TNFRSF10D: variants seen among roughly 807,000 people sequenced by gnomAD.
TNFRSF10D encodes the protein TNF receptor superfamily member 10d, also known as tumor necrosis factor receptor superfamily member 10D.
A neutral mutation model predicts 42.1 loss-of-function variants in TNFRSF10D; 28 were observed. The observed-to-expected ratio is 0.66, with a 90% CI of 0.49 to 0.91. The LOEUF is 0.91. Among genes scored for constraint, TNFRSF10D ranks in the 40% least tolerant of loss-of-function variants. TNFRSF10D has a pLI of 0.00. For missense variants in TNFRSF10D, 503 were observed against 486.1 expected, an observed-to-expected ratio of 1.03 and a Z score of -0.33; for synonymous variants, 186 against 189.4, an observed-to-expected ratio of 0.98 and a Z score of 0.15.
chr8:23,138,499 G>C (rs550703868), intron 7 of TNFRSF10D, among the ~76,000 whole-genome samples: 915 of 152,120 alleles, frequency 6.0e-3, no homozygotes, highest in African/African-American at 0.019. Flanking sequence ...TTTGACTATA[G>C]GCCTGTGTAA....
intron 1 of TNFRSF10D, among the ~76,000 whole-genome samples, chr8:23,158,224 T>G (rs1800307578): frequency 1.3e-5 from 2 of 152,222 alleles, no homozygotes; most frequent in Non-Finnish European, 2.9e-5. Flanking sequence ...TCCTTCTGCC[T>G]TATGCCCCTC....
intron 2 of TNFRSF10D, among the ~76,000 whole-genome samples, chr8:23,151,118 A>C (rs1800207485): frequency 6.6e-6 from 1 of 152,232 alleles, no homozygotes; most frequent in Non-Finnish European, 1.5e-5. Flanking sequence ...ATCTTAAACA[A>C]ATTCCCAAAC....
In TNFRSF10D at chr8:23,145,765, A is replaced by G. The variant is rs1193743353; in HGVS notation, c.639T>C (p.Leu213=). The change falls in exon 5 of 9, where the codon CTT becomes CTC. Residue 213 remains leucine, a synonymous_variant. Coordinates refer to ENST00000312584, the MANE Select transcript of TNFRSF10D (RefSeq NM_003840.5). ...LGMLASPYHY[L]IIIVVLVIIL... is the part of the protein sequence containing the mutation. ...TGATGACTAAAACCACTATGATGAT[A>G]AGGTAGTGATAGGGAGAGGCAAGCA... The G allele has an allele frequency of 6.2e-7, 1 of 1,614,136 alleles. No homozygotes were observed. Among genetic ancestry groups the G allele is most frequent in the Non-Finnish European group, 8.5e-7 (1 of 1,180,000 alleles).
At chr8:23,157,433 T>A (rs1302009201) in intron 1 of TNFRSF10D, among the ~76,000 whole-genome samples, 1 of 152,228 alleles carries the variant, frequency 6.6e-6, no homozygotes, top group Non-Finnish European at 1.5e-5. Flanking sequence ...TTCATTAAGT[T>A]TAGAGGTCAT....
intron 7 of TNFRSF10D, among the ~76,000 whole-genome samples, chr8:23,140,061 G>A (rs533419866): frequency 1.5e-4 from 23 of 152,184 alleles, no homozygotes; most frequent in East Asian, 3.9e-4. Context: ...AGGCCAAGGA[G>A]GGCGGATCAC....
rs537262627 is a variant in TNFRSF10D at position 23,159,308 on chromosome 8, G to A, written c.151-4329C>T. On this transcript the variant is annotated intron_variant, in intron 1 of 8. Coordinates refer to ENST00000312584, the MANE Select transcript of TNFRSF10D (RefSeq NM_003840.5). ...TAAAGGCTACTGAAAAACAGCAGGC[G>A]CAATAAGATGCTTTGACCTCTTTTG... 4.0e-5 allele frequency among the ~76,000 whole-genome samples: 6 copies of A among 151,830 alleles called. No individual in the cohort carries two copies. In the South Asian group the frequency reaches 6.2e-4, roughly 16 times the overall value.
intron 7 of TNFRSF10D, among the ~76,000 whole-genome samples, chr8:23,143,102 G>A (rs1230633039): frequency 2.6e-5 from 4 of 151,856 alleles, no homozygotes; most frequent in African/African-American, 7.3e-5. Flanking sequence ...TCAGCCTCCC[G>A]AGTAGCTGGG....
intron 7 of TNFRSF10D, among the ~76,000 whole-genome samples, chr8:23,143,076 A>G (rs1007541652): frequency 6.6e-5 from 10 of 151,784 alleles, no homozygotes; most frequent in African/African-American, 2.4e-4. Flanking sequence ...TCACGGGTTC[A>G]CGCCATTCTC....
chr8:23,163,888 TGCTCGAGC>T lies in TNFRSF10D; in HGVS notation c.40_47del (p.Ala14ArgfsTer23). The T allele has an allele frequency of 6.3e-7, 1 of 1,595,370 alleles. No individual in the cohort carries two copies. Among genetic ancestry groups the T allele is most frequent in the Non-Finnish European group, 8.5e-7 (1 of 1,173,038 alleles). The stretch of plus-strand genomic sequence containing the variant: ...CTGTCCTGGCTCCTGGATAGCGCCC[TGCTCGAGC>T]GCTCGAGGCGGTCGGGACGCTTTGT... On this transcript the variant is annotated frameshift_variant, in exon 1 of 9. Coordinates refer to ENST00000312584, the MANE Select transcript of TNFRSF10D (RefSeq NM_003840.5). LOFTEE classifies it high-confidence loss of function.
intron 3 of TNFRSF10D, among the ~76,000 whole-genome samples, chr8:23,147,997 G>A (rs188425473): frequency 2.7e-5 from 4 of 150,350 alleles, no homozygotes; most frequent in South Asian, 2.1e-4. Flanking sequence ...CTCAGGAGGC[G>A]GAGCTTGCAG....
chr8:23,140,245 C>T (rs921380843), intron 7 of TNFRSF10D, among the ~76,000 whole-genome samples: 16 of 151,888 alleles, frequency 1.1e-4, no homozygotes, highest in Admixed American at 5.2e-4. Context: ...GCTGAGATCG[C>T]GCCACTGCAC....
At chr8:23,148,794 T>C (rs1800165362) in intron 2 of TNFRSF10D, among the ~76,000 whole-genome samples, 1 of 149,448 alleles carries the variant, frequency 6.7e-6, no homozygotes, top group African/African-American at 2.5e-5. Flanking sequence ...CACATTAAAA[T>C]AGTACAAAGA....
At chr8:23,152,018 C>T (rs1800218447) in intron 2 of TNFRSF10D, among the ~76,000 whole-genome samples, 1 of 152,150 alleles carries the variant, frequency 6.6e-6, no homozygotes, top group South Asian at 2.1e-4. Context: ...TTGTACATGT[C>T]CCTTCCACAA....
chr8:23,153,128 G>C (rs756252357), intron 2 of TNFRSF10D, among the ~76,000 whole-genome samples: 1 of 152,210 alleles, frequency 6.6e-6, no homozygotes, highest in Non-Finnish European at 1.5e-5. Context: ...GGAAAGGACA[G>C]CCTCTTCAAT....
At chr8:23,145,596 T>C (rs1232659943) in intron 5 of TNFRSF10D, 72 bp downstream of exon 5, 1 of 1,604,648 alleles carries the variant, frequency 6.2e-7, no homozygotes, top group East Asian at 2.2e-5. Flanking sequence ...TGGGGATTAC[T>C]GTCTGTGGGA....
intron 7 of TNFRSF10D, among the ~76,000 whole-genome samples, chr8:23,143,046 G>A (rs4872060): frequency 0.27 from 40,179 of 150,532 alleles, 6,342 homozygotes; most frequent in South Asian, 0.37. Flanking sequence ...GCGTGATCTC[G>A]GCTCACTGCA....
chr8:23,148,331 G>A, intron 3 of TNFRSF10D, 107 bp downstream of exon 3: 1 of 643,742 alleles, frequency 1.6e-6, no homozygotes, highest in Non-Finnish European at 2.7e-6. Flanking sequence ...GCATGATGAA[G>A]ACTACCAAGT....
intron 2 of TNFRSF10D, among the ~76,000 whole-genome samples, chr8:23,150,553 C>T (rs1481276109): frequency 6.6e-6 from 1 of 152,100 alleles, no homozygotes; most frequent in Non-Finnish European, 1.5e-5. Flanking sequence ...GTAACCAACC[C>T]GAAAGGAATA....
intron 1 of TNFRSF10D, among the ~76,000 whole-genome samples, chr8:23,162,531 A>C (rs1246007437): frequency 6.6e-6 from 1 of 152,182 alleles, no homozygotes; most frequent in African/African-American, 2.4e-5. Flanking sequence ...GGTATTACGT[A>C]AGAAACCTTA....
Sources: gnomAD v4.1 joint callset for allele counts (sites outside exome capture counted in the v4.1 genomes callset) on GRCh38, gnomAD v4.1.1 for gene constraint, MANE v1.5 for transcripts, NCBI Gene and HGNC (gene_info 2026-07-23, HGNC 2026-07-21) for gene names.